DCC: variants seen among roughly 807,000 people sequenced by gnomAD.
DCC encodes DCC netrin 1 receptor.
DCC carries 58 observed loss-of-function variants against 172.5 expected under a neutral mutation model. The ratio of observed to expected loss-of-function variants is 0.34; its 90% CI spans 0.27 to 0.42. The LOEUF (loss-of-function observed/expected upper bound fraction) is 0.42. Ranked by LOEUF, DCC falls within the 10% of genes least tolerant of loss-of-function variation. The pLI is 1.00. For missense variants in DCC, 1,740 were observed against 1,791.0 expected, an observed-to-expected ratio of 0.97 and a Z score of 0.51; for synonymous variants, 709 against 644.5, an observed-to-expected ratio of 1.10 and a Z score of -1.52.
At chr18:53,383,631 C>T (rs1381500486) in intron 15 of DCC, among the ~76,000 whole-genome samples, 1 of 151,296 alleles carries the variant, frequency 6.6e-6, no homozygotes, top group Non-Finnish European at 1.5e-5. Flanking sequence ...TTCCCCCAAA[C>T]TGCAGTCTGT....
chr18:53,336,457 G>A (rs1431189), intron 14 of DCC, among the ~76,000 whole-genome samples: 146,917 of 152,282 alleles, frequency 0.96, 71,107 homozygotes, highest in Middle Eastern at 1. Flanking sequence ...ATCTCCTGGC[G>A]TAGTTATCAT....
intron 1 of DCC, among the ~76,000 whole-genome samples, chr18:52,558,859 A>T (rs1025379285): frequency 1.3e-5 from 2 of 152,226 alleles, no homozygotes; most frequent in African/African-American, 4.8e-5. Context: ...ACACATAGTT[A>T]GAAATATAGA....
intron 1 of DCC, among the ~76,000 whole-genome samples, chr18:52,611,580 A>T (rs547927855): frequency 7.8e-4 from 119 of 152,308 alleles, no homozygotes; most frequent in Non-Finnish European, 1.5e-3. Flanking sequence ...TGTCTTTTAG[A>T]TCTTCATGTT....
At chr18:53,209,344 A>C (rs2055709733) in intron 11 of DCC, among the ~76,000 whole-genome samples, 1 of 152,218 alleles carries the variant, frequency 6.6e-6, no homozygotes, top group Non-Finnish European at 1.5e-5. Context: ...CAGGTGCAGA[A>C]ATGTAGCGAT....
At chr18:53,507,716 G>T (rs1000156615) in intron 27 of DCC, among the ~76,000 whole-genome samples, 1 of 152,024 alleles carries the variant, frequency 6.6e-6, no homozygotes, top group Non-Finnish European at 1.5e-5. Context: ...ATGAATAATT[G>T]CACGTACAGA....
At chr18:53,269,919 A>T (rs1179201629) in intron 12 of DCC, among the ~76,000 whole-genome samples, 1 of 152,156 alleles carries the variant, frequency 6.6e-6, no homozygotes, top group Non-Finnish European at 1.5e-5. Context: ...AATAGGATAG[A>T]TTAAGGCTTG....
chr18:53,209,891 T>G (rs1326358947), intron 11 of DCC, among the ~76,000 whole-genome samples: 1 of 152,216 alleles, frequency 6.6e-6, no homozygotes, highest in African/African-American at 2.4e-5. Context: ...AGATAGATTA[T>G]TATTCATTAG....
chr18:52,712,917 A>G (rs2036318527), intron 1 of DCC, among the ~76,000 whole-genome samples: 1 of 152,186 alleles, frequency 6.6e-6, no homozygotes, highest in African/African-American at 2.4e-5. Flanking sequence ...TCTCACCTGA[A>G]GCTTCATATT....
At chr18:53,009,822 C>A (rs1054739937) in intron 5 of DCC, among the ~76,000 whole-genome samples, 3 of 151,940 alleles carry the variant, frequency 2.0e-5, no homozygotes, top group Admixed American at 2.0e-4. Flanking sequence ...GCTTCCCCTG[C>A]AGGCTAACTC....
At chr18:53,452,231 G>A (rs1413251613) in intron 23 of DCC, among the ~76,000 whole-genome samples, 1 of 152,218 alleles carries the variant, frequency 6.6e-6, no homozygotes, top group Non-Finnish European at 1.5e-5. Flanking sequence ...CTGAAGCAGA[G>A]TTAAGAGGGA....
chr18:52,802,622 G>A (rs1362579932), intron 2 of DCC, among the ~76,000 whole-genome samples: 1 of 123,606 alleles, frequency 8.1e-6, no homozygotes, highest in Non-Finnish European at 1.6e-5. Context: ...GGAACCACAG[G>A]TACACATCAC....
At position 53,198,947 on chromosome 18, in the gene DCC, C is replaced by T. The variant is rs578099979; in HGVS notation, c.1574-6269C>T. Among the ~76,000 whole-genome samples, 18 of 152,144 alleles carry T rather than the reference C, an allele frequency of 1.2e-4. No homozygotes were observed. The East Asian group carries it at 2.5e-3, about 21-fold the overall frequency. On this transcript the variant is annotated intron_variant, in intron 9 of 28. Coordinates refer to ENST00000442544, the MANE Select transcript of DCC (RefSeq NM_005215.4). ...CAGTGAGGAATATTAAAGACATCTT[C>T]GAAATGATGAGCAGTTAAGCCCATT...
In DCC at chr18:53,169,245, T is replaced by G. The variant is rs533008358; in HGVS notation, c.1419-9717T>G. Reference sequence around the variant, plus strand: ...TGGGTCAAACTGCATGCTTTTAGAGTAGAAACATTTATTTTCCAAGACACT... The same window carrying G: ...TGGGTCAAACTGCATGCTTTTAGAGGAGAAACATTTATTTTCCAAGACACT... On this transcript the variant is annotated intron_variant, in intron 8 of 28. Coordinates refer to ENST00000442544, the MANE Select transcript of DCC (RefSeq NM_005215.4). Among the ~76,000 whole-genome samples the G allele has an allele frequency of 5.3e-5, 8 of 152,242 alleles. No homozygotes were observed. In the South Asian group the frequency reaches 1.7e-3, roughly 32 times the overall value.
intron 23 of DCC, among the ~76,000 whole-genome samples, chr18:53,451,989 A>G (rs904450021): frequency 4.6e-5 from 7 of 152,202 alleles, no homozygotes; most frequent in Admixed American, 3.3e-4. Context: ...GTGCTGCTCC[A>G]TTGTGCCTAA....
intron 22 of DCC, among the ~76,000 whole-genome samples, 195 bp from the exon 23 acceptor site, chr18:53,450,305 A>G (rs556486570): frequency 6.6e-6 from 1 of 152,088 alleles, no homozygotes; most frequent in African/African-American, 2.4e-5. Context: ...TTTTTTGTGC[A>G]GGCATAGGTT....
rs569393088 is a variant in DCC at position 53,306,843 on chromosome 18, G to A, written c.2053+1124G>A. Among the ~76,000 whole-genome samples the A allele has an allele frequency of 7.2e-5, 11 of 152,130 alleles. 1 individual carries two copies. Among genetic ancestry groups the A allele is most frequent in the African/African-American group, 2.2e-4 (9 of 41,538 alleles). ...ATAGAATGGCTCATGACACAGCTGG[G>A]TAGATGAAGTTGAGCGACTCTGAAG... On this transcript the variant is annotated intron_variant, in intron 13 of 28. Coordinates refer to ENST00000442544, the MANE Select transcript of DCC (RefSeq NM_005215.4).
rs566982086 is a variant in DCC at position 52,404,140 on chromosome 18, CA to C, written c.91+63263del. 1.3e-3 allele frequency among the ~76,000 whole-genome samples: 201 copies of C among 152,014 alleles called. 7 individuals carry two copies. Among genetic ancestry groups the C allele is most frequent in the Admixed American group, 0.012 (183 of 15,246 alleles). On this transcript the variant is annotated intron_variant, in intron 1 of 28. Coordinates refer to ENST00000442544, the MANE Select transcript of DCC (RefSeq NM_005215.4). ...GCGGTACAATGATACATGGACTTAT[CA>C]GGCAAAAAAATATGGTGTCAGCTCA...
chr18:52,566,100 T>C (rs1387889335), intron 1 of DCC, among the ~76,000 whole-genome samples: 4 of 152,176 alleles, frequency 2.6e-5, no homozygotes, highest in African/African-American at 9.7e-5. Flanking sequence ...AGGGAATCCT[T>C]TCCCCATTGC....
In DCC at chr18:52,352,340, T is replaced by A. The variant is rs561323016; in HGVS notation, c.91+11462T>A. Among the ~76,000 whole-genome samples, 3 of 152,284 alleles carry A rather than the reference T, an allele frequency of 2.0e-5. No individual in the cohort carries two copies. The East Asian group carries it at 5.8e-4, about 29-fold the overall frequency. On this transcript the variant is annotated intron_variant, in intron 1 of 28. Transcript: ENST00000442544. ...ATTGTTGTGATTTTAGAGACTTAAA[T>A]ATAAATTAAGGTAGTCAGACTCCAA...
Sources: allele counts gnomAD v4.1 joint callset (sites outside exome capture counted in the v4.1 genomes callset), GRCh38; gene constraint gnomAD v4.1.1; transcripts MANE v1.5; gene names NCBI Gene and HGNC (gene_info 2026-07-23, HGNC 2026-07-21).